Variants in VPS13A observed in about 807,000 individuals in gnomAD.
VPS13A encodes the protein intermembrane lipid transfer protein VPS13A.
A neutral mutation model predicts 390.9 loss-of-function variants in VPS13A; 264 were observed. That is an observed-to-expected ratio of 0.68 (90% CI 0.61 to 0.75). The LOEUF is 0.75. Ranked by LOEUF, VPS13A falls within the 30% of genes least tolerant of loss-of-function variation. The probability of loss-of-function intolerance (pLI) is 0.00; values close to 1 mark genes in which losing one functional copy is unlikely to be tolerated. For synonymous variants in VPS13A, 1,231 were observed against 1,227.1 expected, an observed-to-expected ratio of 1.00 and a Z score of -0.07; for missense variants, 3,409 against 3,733.9, an observed-to-expected ratio of 0.91 and a Z score of 2.27.
chr9:77,393,204 C>T (rs1446041639), intron 68 of VPS13A, among the ~76,000 whole-genome samples: 1 of 152,204 alleles, frequency 6.6e-6, no homozygotes, highest in Non-Finnish European at 1.5e-5. Context: ...CCATAAGAAG[C>T]AATTTCTCCT....
intron 33 of VPS13A, among the ~76,000 whole-genome samples, chr9:77,298,674 T>C (rs1206322649): frequency 4.6e-5 from 7 of 152,036 alleles, no homozygotes; most frequent in African/African-American, 1.7e-4. Context: ...TGATGGATAA[T>C]AGAGAGGTGA....
rs138053629 is a variant in VPS13A at position 77,198,075 on chromosome 9, G to A, written c.101-1870G>A. On this transcript the variant is annotated intron_variant, in intron 1 of 71. Transcript: ENST00000360280. ...TAAACAGCAGCAGCAACAAACAGTG[G>A]CAGGCAGGCTCTCAGTCTCCACCTA... 4.7e-3 allele frequency among the ~76,000 whole-genome samples: 709 copies of A among 152,268 alleles called. 2 individuals carry two copies. Among genetic ancestry groups the A allele is most frequent in the Middle Eastern group, 0.014 (4 of 292 alleles).
At chr9:77,276,553 A>T (rs1189221315) in intron 26 of VPS13A, among the ~76,000 whole-genome samples, 7 of 152,218 alleles carry the variant, frequency 4.6e-5, no homozygotes. Flanking sequence ...ACACAAATTT[A>T]TTATCTTAGA....
chr9:77,321,196 G>A lies in VPS13A; in HGVS notation c.5443G>A (p.Val1815Ile). Residue 1815 changes from valine (V) to isoleucine (I), a missense_variant, in exon 43 of 72, where the codon GTT (valine) becomes ATT (isoleucine). By Grantham distance (29) the Val-to-Ile change is conservative. Around this residue, in one of 5 missense-constraint regions of VPS13A, gnomAD observed 2,717 missense variants for 2,917.4 expected, o/e 0.93. Coordinates refer to ENST00000360280, the MANE Select transcript of VPS13A (RefSeq NM_033305.3). ...KMKKKAKMAI[V>I]ESDPEEENYK... ...GAAAAAGAAAGCAAAAATGGCCATT[G>A]TTGAGTCAGATCCTGAAGAAGAAAA... The A allele has an allele frequency of 1.2e-6, 2 of 1,612,524 alleles. No homozygotes were observed. Among genetic ancestry groups the A allele is most frequent in the Non-Finnish European group, 1.7e-6 (2 of 1,179,098 alleles).
intron 67 of VPS13A, among the ~76,000 whole-genome samples, chr9:77,374,874 T>G (rs1475571944): frequency 6.6e-6 from 1 of 152,132 alleles, no homozygotes; most frequent in Non-Finnish European, 1.5e-5. Flanking sequence ...TTCCTAATCT[T>G]TTTCCTTTGT....
chr9:77,364,886 A>G (rs1396163227), intron 59 of VPS13A, among the ~76,000 whole-genome samples: 2 of 152,134 alleles, frequency 1.3e-5, no homozygotes, highest in African/African-American at 4.8e-5. Flanking sequence ...TACTTTTTAT[A>G]AGGCTATCAT....
chr9:77,213,345 G>A, intron 9 of VPS13A, 31 bp downstream of exon 9: 1 of 1,558,130 alleles, frequency 6.4e-7, no homozygotes, highest in Non-Finnish European at 8.8e-7. Flanking sequence ...TGTATTTGTT[G>A]GTATCATATT....
chr9:77,354,878 CAGTAGATA>C (rs2131549516), intron 54 of VPS13A, among the ~76,000 whole-genome samples: 1 of 152,298 alleles, frequency 6.6e-6, no homozygotes, highest in African/African-American at 2.4e-5. Context: ...CAACAGTTTA[CAGTAGATA>C]TATGTGCTCC....
chr9:77,395,489 G>T (rs976249398), intron 68 of VPS13A, among the ~76,000 whole-genome samples: 1 of 152,154 alleles, frequency 6.6e-6, no homozygotes, highest in South Asian at 2.1e-4. Context: ...TTGAAATATT[G>T]TAAGAATTAA....
At chr9:77,322,997 A>G in intron 44 of VPS13A, 70 bp from the exon 45 acceptor site, 4 of 1,215,778 alleles carry the variant, frequency 3.3e-6, no homozygotes, top group African/African-American at 3.0e-5. Flanking sequence ...AATTTCTAAT[A>G]TGTAACATAT....
At chr9:77,277,933 C>A (rs1427573218) in intron 26 of VPS13A, among the ~76,000 whole-genome samples, 1 of 152,034 alleles carries the variant, frequency 6.6e-6, no homozygotes, top group Non-Finnish European at 1.5e-5. Flanking sequence ...GGGTAAATAC[C>A]AAGGAACATG....
chr9:77,252,477 G>A, intron 22 of VPS13A, 125 bp downstream of exon 22: 6 of 848,028 alleles, frequency 7.1e-6, no homozygotes, highest in South Asian at 4.0e-5. Flanking sequence ...TCTTCCTTGT[G>A]TGTGTGGTAA....
chr9:77,281,542 C>T (rs1444524360), intron 27 of VPS13A, among the ~76,000 whole-genome samples: 1 of 151,924 alleles, frequency 6.6e-6, no homozygotes, highest in African/African-American at 2.4e-5. Flanking sequence ...TTAGGAAGAA[C>T]CGTACAGAGT....
At chr9:77,268,919 G>A (rs377082649) in intron 23 of VPS13A, among the ~76,000 whole-genome samples, 151 of 148,932 alleles carry the variant, frequency 1.0e-3, no homozygotes, top group African/African-American at 3.5e-3. Flanking sequence ...CAGCCTGGGC[G>A]ACAGAGCGAT....
intron 23 of VPS13A, among the ~76,000 whole-genome samples, chr9:77,265,035 C>G (rs1453858624): frequency 6.6e-6 from 1 of 152,162 alleles, no homozygotes; most frequent in Non-Finnish European, 1.5e-5. Context: ...AAGGCCTTTT[C>G]CGCATCTATT....
chr9:77,337,586 C>A (rs746548542), intron 47 of VPS13A, 49 bp downstream of exon 47: 9 of 1,571,168 alleles, frequency 5.7e-6, no homozygotes, highest in Non-Finnish European at 7.8e-6. Flanking sequence ...TTTGTAGTTT[C>A]AGTTTTTTAA....
At chr9:77,246,678 A>G (rs1485604848) in intron 19 of VPS13A, among the ~76,000 whole-genome samples, 1 of 152,148 alleles carries the variant, frequency 6.6e-6, no homozygotes, top group Non-Finnish European at 1.5e-5. Flanking sequence ...CATAAAATAG[A>G]TGAATTTGGT....
At chr9:77,237,864 G>A (rs1348593115) in intron 17 of VPS13A, 138 bp from the exon 18 acceptor site, 1 of 644,810 alleles carries the variant, frequency 1.6e-6, no homozygotes, top group Non-Finnish European at 2.7e-6. Flanking sequence ...ATCATTGTAT[G>A]TCTTCTTTGA....
chr9:77,293,580 A>G, intron 32 of VPS13A, 72 bp downstream of exon 32: 1 of 899,188 alleles, frequency 1.1e-6, no homozygotes, highest in South Asian at 3.3e-5. Context: ...ATGGATGAAG[A>G]CTAGTAAGAA....
Sources: allele counts gnomAD v4.1 joint callset (sites outside exome capture counted in the v4.1 genomes callset), GRCh38; gene constraint gnomAD v4.1.1; regional missense constraint gnomAD v4.1.1; transcripts MANE v1.5; gene names NCBI Gene and HGNC (gene_info 2026-07-23, HGNC 2026-07-21).